The following FBN3 variants were observed in gnomAD, a reference collection of about 807,000 sequenced individuals.
FBN3 encodes the protein fibrillin 3.
Under a neutral mutation model 330.1 loss-of-function variants are expected in FBN3, and 234 were observed. That is an observed-to-expected ratio of 0.71 (90% confidence interval 0.64 to 0.79). FBN3 has a LOEUF of 0.79. Among genes scored for constraint, FBN3 ranks in the 30% least tolerant of loss-of-function variants. FBN3 has a pLI of 0.00. For missense variants in FBN3, 3,606 were observed against 3,886.9 expected (o/e 0.93, Z 1.92); for synonymous variants, 1,458 against 1,517.3 (o/e 0.96, Z 0.91).
At position 8,110,885 on chromosome 19, in the gene FBN3, A is replaced by G; in HGVS notation, c.4293T>C (p.Asn1431=). 1 of 1,614,206 alleles carries G rather than the reference A, an allele frequency of 6.2e-7. No homozygotes were observed. The highest frequency in any genetic ancestry group is 8.5e-7 in the Non-Finnish European group (1 of 1,180,048). Residue 1431 remains asparagine (N), a synonymous_variant, in exon 34 of 64, where the codon AAT becomes AAC. Transcript: ENST00000600128. ...NLPGMFRCIC[N]GGYELDRGGG... is the part of the protein sequence containing the mutation. ...CCCCTCGGTCCAGTTCGTAGCCACC[A>G]TTGCAGATGCAGCGGAACATTCCAG...
intron 34 of FBN3, among the ~76,000 whole-genome samples, chr19:8,110,039 A>G (rs1315116270): frequency 6.6e-6 from 1 of 152,118 alleles, no homozygotes; most frequent in African/African-American, 2.4e-5. Flanking sequence ...TATGAAAATC[A>G]TATCTATTTT....
At chr19:8,135,282 A>AT (rs1052915528) in intron 13 of FBN3, among the ~76,000 whole-genome samples, 64 of 145,364 alleles carry the variant, frequency 4.4e-4, no homozygotes, top group Middle Eastern at 3.7e-3. Context: ...ATAAAAAAAA[A>AT]TTTTTTTTTT....
At position 8,135,960 on chromosome 19, in the gene FBN3, C is replaced by T. The variant is rs370560077; in HGVS notation, c.1591+1G>A. The T allele has an allele frequency of 1.1e-4, 171 of 1,498,154 alleles. 1 individual carries two copies. In the African/African-American group the frequency reaches 2.0e-3, roughly 18 times the overall value. 92.8% of individuals were successfully genotyped at this position (1,498,154 alleles called of 1,614,324 possible). On this transcript the variant is annotated splice_donor_variant, in intron 13 of 63. Coordinates refer to ENST00000600128, the MANE Select transcript of FBN3 (RefSeq NM_032447.5). LOFTEE classifies it high-confidence loss of function. ...TGCCCACCCGCCCACCCCCAACTCA[C>T]CCACACAGTTCTTGCCGTCAGGGCT...
intron 13 of FBN3, among the ~76,000 whole-genome samples, chr19:8,134,171 G>A (rs2083223024): frequency 6.6e-6 from 1 of 151,976 alleles, no homozygotes. Flanking sequence ...GAACCCGGGA[G>A]GTGGAGGTTG....
intron 5 of FBN3, 111 bp downstream of exon 5, chr19:8,145,732 T>A: frequency 1.5e-5 from 9 of 610,140 alleles, no homozygotes; most frequent in Non-Finnish European, 2.5e-5. Flanking sequence ...CCCTGCAATC[T>A]CCAGTCCAGG....
rs750214046 is a variant in FBN3 at position 8,126,727 on chromosome 19, C to A, written c.2402G>T (p.Gly801Val). ...GGGCCGCTCACCTAGACAGAAGGTA[C>A]CAGAGGGGTCCAGCCGGCTGCCAGG... ...CGPGSRLDPSGTFCLDSTKGT... is the reference protein window; with the variant it reads ...CGPGSRLDPSVTFCLDSTKGT... Residue 801 changes from glycine to valine, a missense_variant, in exon 19 of 64, where the codon GGT (glycine) becomes GTT (valine). Physicochemically the swap from Gly to Val is moderately radical, Grantham distance 109. Transcript: ENST00000600128. 1 of 1,587,408 alleles carries A rather than the reference C, an allele frequency of 6.3e-7. No homozygotes were observed. Among genetic ancestry groups the A allele is most frequent in the South Asian group, 1.2e-5 (1 of 86,918 alleles).
intron 37 of FBN3, 68 bp downstream of exon 37, chr19:8,108,102 G>A: frequency 7.2e-7 from 1 of 1,396,990 alleles, no homozygotes; most frequent in Non-Finnish European, 1.0e-6. Context: ...ACACTTTGGT[G>A]AGGTGGGGAT....
chr19:8,069,485 CCT>C (rs57094900), intron 63 of FBN3, among the ~76,000 whole-genome samples: 34,617 of 152,032 alleles, frequency 0.23, 4,216 homozygotes, highest in South Asian at 0.39. Context: ...TTCCCCAGCC[CCT>C]CAGTTCTGGA....
intron 41 of FBN3, 140 bp from the exon 42 acceptor site, chr19:8,097,554 G>A (rs1212452966): frequency 2.3e-5 from 20 of 868,254 alleles, no homozygotes; most frequent in Non-Finnish European, 3.3e-6. Flanking sequence ...AAATCTTGCT[G>A]TGACCAAAAT....
chr19:8,091,629 A>G, intron 47 of FBN3, 39 bp from the exon 48 acceptor site: 1 of 1,609,320 alleles, frequency 6.2e-7, no homozygotes, highest in Non-Finnish European at 8.5e-7. Flanking sequence ...GGGGGCAAGT[A>G]GGACCTCCAT....
rs371292367 is a variant in FBN3 at position 8,086,182 on chromosome 19, G to A, written c.6880+18C>T. On this transcript the variant is annotated intron_variant, in intron 55 of 63. Coordinates refer to ENST00000600128, the MANE Select transcript of FBN3 (RefSeq NM_032447.5). ...TGGTAGGTGGTTGCAACCACTGTGC[G>A]TGTCCAGCCACACTCACCGTGGCAC... is the stretch of plus-strand genomic sequence containing the variant. The A allele has an allele frequency of 8.7e-6, 14 of 1,600,308 alleles. No homozygotes were observed. The highest frequency in any genetic ancestry group is 5.1e-5 in the Admixed American group (3 of 58,902).
intron 6 of FBN3, among the ~76,000 whole-genome samples, chr19:8,144,646 CCT>C (rs899677365): frequency 2.0e-5 from 3 of 151,972 alleles, no homozygotes; most frequent in Non-Finnish European, 4.4e-5. Flanking sequence ...ACTGGCACAT[CCT>C]CTCTCTTTCC....
intron 13 of FBN3, 68 bp from the exon 14 acceptor site, chr19:8,133,174 G>C: frequency 6.7e-7 from 1 of 1,482,324 alleles, no homozygotes; most frequent in East Asian, 2.5e-5. Flanking sequence ...CCCTCCTCCA[G>C]GCTCCAGGGC....
chr19:8,090,006 C>T, intron 49 of FBN3, 47 bp from the exon 50 acceptor site: 1 of 1,596,640 alleles, frequency 6.3e-7, no homozygotes, highest in African/African-American at 1.3e-5. Context: ...CTAGGTGCAG[C>T]CCCCAGGTGT....
intron 61 of FBN3, among the ~76,000 whole-genome samples, chr19:8,073,783 G>T (rs938789649): frequency 6.6e-6 from 1 of 152,150 alleles, no homozygotes; most frequent in African/African-American, 2.4e-5. Context: ...GGGCTCAAGG[G>T]ATCCTCCTGC....
intron 5 of FBN3, 47 bp downstream of exon 5, chr19:8,145,796 T>A: frequency 7.1e-7 from 1 of 1,406,654 alleles, no homozygotes; most frequent in Non-Finnish European, 9.8e-7. Flanking sequence ...TACTCTGGGA[T>A]CACAGTCCCA....
chr19:8,066,103 A>T lies in FBN3; in HGVS notation c.8246T>A (p.Phe2749Tyr). Residue 2749 changes from phenylalanine to tyrosine, a missense_variant, in exon 64 of 64, where the codon TTC becomes TAC. By Grantham distance (22) the Phe-to-Tyr change is conservative (BLOSUM62 3). Coordinates refer to ENST00000600128, the MANE Select transcript of FBN3 (RefSeq NM_032447.5). ...GCCACGGAGGTGATGCATGCGAAAG[A>T]AACCTTGCTCGTTTCCGCGGACGAT... ...YVIVRGNEQG[F>Y]FRMHHLRGVS... 6.2e-7 allele frequency: 1 copy of T among 1,613,508 alleles called. No individual in the cohort carries two copies.
At chr19:8,142,208 C>A in intron 6 of FBN3, 71 bp from the exon 7 acceptor site, 1 of 1,263,226 alleles carries the variant, frequency 7.9e-7, no homozygotes, top group Admixed American at 2.1e-5. Flanking sequence ...GTCTCTAACA[C>A]CTTCTCAGCG....
intron 18 of FBN3, among the ~76,000 whole-genome samples, chr19:8,128,099 TC>T (rs2083037897): frequency 1.3e-5 from 2 of 152,328 alleles, no homozygotes; most frequent in South Asian, 4.1e-4. Flanking sequence ...ATGTGGAACT[TC>T]CGTGCCTGCT....
Sources: gnomAD v4.1 joint callset for allele counts (sites outside exome capture counted in the v4.1 genomes callset) on GRCh38, gnomAD v4.1.1 for gene constraint, MANE v1.5 for transcripts, NCBI Gene and HGNC (gene_info 2026-07-23, HGNC 2026-07-21) for gene names.